CRYBG1: variants seen among roughly 807,000 people sequenced by gnomAD.
CRYBG1 encodes the protein beta/gamma crystallin domain-containing protein 1.
CRYBG1 carries 139 observed loss-of-function variants against 189.2 expected under a neutral mutation model. The observed-to-expected ratio is 0.73, with a 90% confidence interval of 0.64 to 0.85. The LOEUF (loss-of-function observed/expected upper bound fraction) is 0.85, where lower values mean the gene tolerates loss of function less well. Among genes scored for constraint, CRYBG1 ranks in the 40% least tolerant of loss-of-function variants. The pLI is 0.00. For synonymous variants in CRYBG1, 1,023 were observed against 1,017.1 expected, an observed-to-expected ratio of 1.01 and a Z score of -0.11; for missense variants, 2,611 against 2,675.8, an observed-to-expected ratio of 0.98 and a Z score of 0.53.
chr6:106,450,271 A>G (rs1486766561), intron 1 of CRYBG1, among the ~76,000 whole-genome samples: 1 of 151,768 alleles, frequency 6.6e-6, no homozygotes, highest in African/African-American at 2.4e-5. Context: ...GCCCATCTAT[A>G]TCTCCCTTGC....
chr6:106,491,384 A>G (rs967380294), intron 2 of CRYBG1, among the ~76,000 whole-genome samples: 3 of 152,104 alleles, frequency 2.0e-5, no homozygotes, highest in Admixed American at 6.5e-5. Context: ...ATTTTTTCCT[A>G]CCAAATTGTG....
intron 2 of CRYBG1, among the ~76,000 whole-genome samples, chr6:106,505,675 G>A (rs994827465): frequency 6.6e-6 from 1 of 150,974 alleles, no homozygotes; most frequent in African/African-American, 2.4e-5. Flanking sequence ...AAGTTGAAGT[G>A]TAAAGTAGCT....
intron 8 of CRYBG1, among the ~76,000 whole-genome samples, chr6:106,539,165 T>C (rs761458280): frequency 2.6e-5 from 4 of 152,064 alleles, no homozygotes; most frequent in Non-Finnish European, 5.9e-5. Flanking sequence ...ATAATACAAA[T>C]TAAAATAAGG....
In CRYBG1 at chr6:106,370,239, T is replaced by C. The variant is rs145471416; in HGVS notation, c.173+9158T>C. On this transcript the variant is annotated intron_variant, in intron 1 of 21. Transcript: ENST00000633556. Reference sequence around the variant, plus strand: ...AAAGTATCATGTGTAGATTCTGAGTTTGGGGCTTCTGCCCAAGCTGTGTCA... The same window carrying C: ...AAAGTATCATGTGTAGATTCTGAGTCTGGGGCTTCTGCCCAAGCTGTGTCA... Among the ~76,000 whole-genome samples the C allele has an allele frequency of 1.5e-4, 22 of 149,484 alleles. No individual in the cohort carries two copies. The East Asian group carries it at 4.4e-3, about 30-fold the overall frequency.
rs35446601 is a variant in CRYBG1 at position 106,471,197 on chromosome 6, G to A, written c.312+19365G>A. On this transcript the variant is annotated intron_variant, in intron 2 of 21. Coordinates refer to ENST00000633556, the MANE Select transcript of CRYBG1 (RefSeq NM_001371242.2). ...TGCATGATTTCTGGTCTTTAGAAAG[G>A]CTACCCAAGCTTGGTTTCTTGAGAA... Among the ~76,000 whole-genome samples the A allele has an allele frequency of 5.9e-3, 894 of 152,282 alleles. 5 individuals are homozygous for A. Among genetic ancestry groups the A allele is most frequent in the Non-Finnish European group, 9.4e-3 (640 of 68,024 alleles).
Position 106,521,317 on chromosome 6 carries a change from C to A in CRYBG1, c.4109C>A (p.Ala1370Asp). 1.2e-6 allele frequency: 2 copies of A among 1,614,142 alleles called. No homozygotes were observed. The highest frequency in any genetic ancestry group is 8.5e-7 in the Non-Finnish European group (1 of 1,180,022). Reference sequence around the variant, plus strand: ...CTGAAGAATGATGATATGGAAAAGGCTAATCATATTGAAAGTGTTATTAAA... The same window carrying A: ...CTGAAGAATGATGATATGGAAAAGGATAATCATATTGAAAGTGTTATTAAA... Reference protein sequence around the residue: ...SKLKNDDMEKANHIESVIKSN... With the variant: ...SKLKNDDMEKDNHIESVIKSN... Residue 1370 changes from alanine to aspartate, a missense_variant, in exon 4 of 22, where the codon GCT becomes GAT. Around this residue, in one of 3 missense-constraint regions of CRYBG1, gnomAD observed 1,622 missense variants for 1,735.0 expected, o/e 0.93. Coordinates refer to ENST00000633556, the MANE Select transcript of CRYBG1 (RefSeq NM_001371242.2).
chr6:106,360,923 G>A lies in CRYBG1; in HGVS notation c.15G>A (p.Pro5=), dbSNP rs1197520971. ...AGGACAAGACGATGCCGCTGTCCCC[G>A]CCAGCCCAGGGCGACCCCGGGGAGC... MPLS[P]PAQGDPGEPS... The change falls in exon 1 of 22, where the codon CCG becomes CCA. Residue 5 remains proline (P), a synonymous_variant. Coordinates refer to ENST00000633556, the MANE Select transcript of CRYBG1 (RefSeq NM_001371242.2). 11 of 1,533,662 alleles carry A rather than the reference G, an allele frequency of 7.2e-6. No homozygotes were observed. The highest frequency in any genetic ancestry group is 9.6e-6 in the Non-Finnish European group (11 of 1,145,814).
intron 1 of CRYBG1, chr6:106,420,850 T>A (rs1268749868): frequency 6.6e-6 from 1 of 152,390 alleles, no homozygotes; most frequent in Non-Finnish European, 1.5e-5. Context: ...TTTGGTAAAG[T>A]TACATTTTTG....
At chr6:106,372,065 A>AG (rs1770050083) in intron 1 of CRYBG1, among the ~76,000 whole-genome samples, 1 of 152,210 alleles carries the variant, frequency 6.6e-6, no homozygotes, top group African/African-American at 2.4e-5. Context: ...TTCTCACTGC[A>AG]GGATTTCTGG....
chr6:106,544,751 G>A, intron 12 of CRYBG1, 37 bp from the exon 13 acceptor site: 1 of 1,606,024 alleles, frequency 6.2e-7, no homozygotes, highest in Non-Finnish European at 8.5e-7. Flanking sequence ...GATAATAAAT[G>A]GCTAGCCTTT....
chr6:106,528,837 ATTAT>A (rs758188546), intron 7 of CRYBG1, among the ~76,000 whole-genome samples: 1 of 152,144 alleles, frequency 6.6e-6, no homozygotes, highest in Non-Finnish European at 1.5e-5. Flanking sequence ...ATGAGGTACC[ATTAT>A]TTATTTATTA....
Position 106,545,037 on chromosome 6 carries a change from C to CAT in CRYBG1, c.5312+104_5312+105insAT, listed in dbSNP as rs1774235687. On this transcript the variant is annotated intron_variant, in intron 13 of 21. Transcript: ENST00000633556. The stretch of plus-strand genomic sequence containing the variant: ...GAGTAGGCATTCAATACACAAATAT[C>CAT]TCAACAGCTTAACATTAAATCAGTC... 4.5e-6 allele frequency: 4 copies of CAT among 893,644 alleles called. No homozygotes were observed. The East Asian group carries it at 1.0e-4, about 23-fold the overall frequency. The allele number at this position is 893,644 out of a possible 1,614,324, so 55.4% of individuals were successfully genotyped here.
chr6:106,569,348 G>A lies in CRYBG1; in HGVS notation c.*782G>A, dbSNP rs143644015. Reference sequence around the variant, plus strand: ...TGATCCTCCCACCTCAGCCTCCCAAGTAGCTGGGACTATAGGCACACATCA... The same window carrying A: ...TGATCCTCCCACCTCAGCCTCCCAAATAGCTGGGACTATAGGCACACATCA... On this transcript the variant is annotated 3_prime_UTR_variant, in exon 22 of 22. Transcript: ENST00000633556. 6.6e-6 allele frequency: 1 copy of A among 152,084 alleles called. No homozygotes were observed. Among genetic ancestry groups the A allele is most frequent in the East Asian group, 1.9e-4 (1 of 5,178 alleles). 9.4% of individuals were successfully genotyped at this position (152,084 alleles called of 1,614,324 possible). A position where few individuals can be genotyped will look rare whatever the true frequency, so the allele number is the denominator to read the frequency against.
intron 1 of CRYBG1, among the ~76,000 whole-genome samples, chr6:106,432,237 A>G (rs1054914386): frequency 1.1e-4 from 16 of 152,212 alleles, no homozygotes; most frequent in Non-Finnish European, 2.1e-4. Context: ...TTGTACTTTC[A>G]TTAATGCTTT....
Position 106,561,390 on chromosome 6 carries a change from T to G in CRYBG1, c.6028T>G (p.Ser2010Ala), listed in dbSNP as rs1375758403. Residue 2010 changes from serine to alanine, a missense_variant, in exon 20 of 22, where the codon TCA becomes GCA. Ser to Ala is a moderately conservative substitution (Grantham distance 99, BLOSUM62 1). This residue lies in a region of CRYBG1 where 1,622 missense variants were observed against 1,735.0 expected (regional missense o/e 0.93). Transcript: ENST00000633556. ...AAACAAAGCAACAGGGTTATTCATG[T>G]CAACCAATGGAAACTTAGAGGATCT... ...LRNKATGLFMSTNGNLEDLKL... is the reference protein window; with the variant it reads ...LRNKATGLFMATNGNLEDLKL... The G allele has an allele frequency of 6.2e-7, 1 of 1,614,134 alleles. No homozygotes were observed. The highest frequency in any genetic ancestry group is 1.7e-5 in the Admixed American group (1 of 60,020).
At chr6:106,399,638 C>CT (rs967680147) in intron 1 of CRYBG1, among the ~76,000 whole-genome samples, 1 of 147,250 alleles carries the variant, frequency 6.8e-6, no homozygotes, top group African/African-American at 2.5e-5. Flanking sequence ...CCGATCGGTC[C>CT]TTTTTTTTAG....
At chr6:106,378,867 T>A (rs1429594020) in intron 1 of CRYBG1, among the ~76,000 whole-genome samples, 1 of 152,202 alleles carries the variant, frequency 6.6e-6, no homozygotes, top group Non-Finnish European at 1.5e-5. Context: ...AAAATGATGC[T>A]GGCCAGGTGT....
chr6:106,556,151 TTAGGAG>T (rs1224165667), intron 17 of CRYBG1, among the ~76,000 whole-genome samples: 2 of 152,200 alleles, frequency 1.3e-5, no homozygotes, highest in Admixed American at 6.5e-5. Flanking sequence ...GGACTATATA[TTAGGAG>T]TAGAATTACT....
chr6:106,428,648 T>C (rs1290824983), intron 1 of CRYBG1, among the ~76,000 whole-genome samples: 2 of 152,226 alleles, frequency 1.3e-5, no homozygotes, highest in African/African-American at 2.4e-5. Flanking sequence ...GAAAGTATCT[T>C]GCCTAAGGTG....
Sources: gnomAD v4.1 joint callset for allele counts (sites outside exome capture counted in the v4.1 genomes callset) on GRCh38, gnomAD v4.1.1 for gene constraint, gnomAD v4.1.1 regional missense constraint, MANE v1.5 for transcripts, NCBI Gene and HGNC (gene_info 2026-07-23, HGNC 2026-07-21) for gene names.